The following RAB5IF variants were observed in gnomAD, a reference collection of about 807,000 sequenced individuals.
RAB5IF encodes GEL complex subunit OPTI.
RAB5IF carries 15 observed loss-of-function variants against 20.3 expected under a neutral mutation model. The ratio of observed to expected loss-of-function variants is 0.74; its 90% CI spans 0.50 to 1.14. The LOEUF (loss-of-function observed/expected upper bound fraction) is 1.14. Ranked by LOEUF, RAB5IF falls within the 50% of genes most tolerant of loss-of-function variation. RAB5IF has a pLI of 0.00. For synonymous variants in RAB5IF, 67 were observed against 63.7 expected (o/e 1.05, Z -0.25); for missense variants, 148 against 159.5 (o/e 0.93, Z 0.39).
In RAB5IF at chr20:36,609,595, C is replaced by T. The variant is rs747309058; in HGVS notation, c.219-6C>T. On this transcript the variant is annotated splice_polypyrimidine_tract_variant and splice_region_variant and intron_variant, in intron 2 of 3. Coordinates refer to ENST00000344795, the MANE Select transcript of RAB5IF (RefSeq NM_018840.5). ...TATGTTTGGTACTTGTTCTCTGTTG[C>T]TCCAGATTCTGCCTGATCAATGCAG... 1 of 1,578,162 alleles carries T rather than the reference C, an allele frequency of 6.3e-7. No homozygotes were observed. The highest frequency in any genetic ancestry group is 1.8e-5 in the Admixed American group (1 of 54,212).
At chr20:36,608,134 C>A in intron 2 of RAB5IF, 1 of 401,562 alleles carries the variant, frequency 2.5e-6, no homozygotes, top group Non-Finnish European at 4.6e-6. Context: ...GACCTTTGTA[C>A]CTGTGCGAGT....
Position 36,609,724 on chromosome 20 carries a change from G to A in RAB5IF, c.342G>A (p.Leu114=). 3 of 1,614,176 alleles carry A rather than the reference G, an allele frequency of 1.9e-6. No individual in the cohort carries two copies. Among genetic ancestry groups the A allele is most frequent in the Non-Finnish European group, 2.5e-6 (3 of 1,180,026 alleles). Residue 114 remains leucine (L), a synonymous_variant, in exon 3 of 4, where the codon TTG becomes TTA. Transcript: ENST00000344795. ...AAGGGTTTATGACCTCTTTTGCCTT[G>A]TTCATGGTATGTGTAGCTGATAGTT... The part of the protein sequence containing the change: ...TKEGFMTSFA[L]FMVIWIIFYT...
chr20:36,609,190 C>G (rs2039023196), intron 2 of RAB5IF, among the ~76,000 whole-genome samples: 10 of 52,140 alleles, frequency 1.9e-4, no homozygotes, highest in Non-Finnish European at 3.6e-4. Context: ...CACACACACA[C>G]ACACGCACAC....
Position 36,607,746 on chromosome 20 carries a change from G to A in RAB5IF, c.146G>A (p.Arg49Gln), listed in dbSNP as rs1227939860. 4 of 1,613,996 alleles carry A rather than the reference G, an allele frequency of 2.5e-6. No homozygotes were observed. The highest frequency in any genetic ancestry group is 2.2e-5 in the East Asian group (1 of 44,868). Residue 49 changes from arginine (R) to glutamine (Q), a missense_variant, in exon 2 of 4, where the codon CGA (arginine) becomes CAA (glutamine). Arg to Gln is a conservative substitution (Grantham distance 43). Transcript: ENST00000344795. ...DEFLDVIYWF[R>Q]QIIAVVLGVI... is the part of the protein sequence containing the mutation. ...TTTTTAGATGTGATCTACTGGTTCC[G>A]ACAGATCATTGCTGTGGTCCTGGGT...
At chr20:36,608,053 C>T (rs2038977008) in intron 2 of RAB5IF, 24 of 1,158,322 alleles carry the variant, frequency 2.1e-5, no homozygotes, top group Non-Finnish European at 2.7e-5. Context: ...TCCATTCATT[C>T]ATGGGTCTAA....
At chr20:36,611,835 TTC>T (rs1478334821) in intron 3 of RAB5IF, among the ~76,000 whole-genome samples, 173 bp from the exon 4 acceptor site, 1 of 152,098 alleles carries the variant, frequency 6.6e-6, no homozygotes, top group East Asian at 1.9e-4. Flanking sequence ...CAGTCCTGGG[TTC>T]TGTTAGTGAC....
Position 36,609,191 on chromosome 20 carries a change from ACACG to A in RAB5IF, c.219-406_219-403del, listed in dbSNP as rs1483970502. 2.8e-3 allele frequency among the ~76,000 whole-genome samples: 150 copies of A among 52,666 alleles called. 3 individuals carry two copies. The highest frequency in any genetic ancestry group is 0.014 in the Admixed American group (73 of 5,154). The allele number at this position is 52,666 out of a possible 152,430, so 34.6% of individuals were successfully genotyped here. A position where few individuals can be genotyped will look rare whatever the true frequency, so the allele number is the denominator to read the frequency against. On this transcript the variant is annotated intron_variant, in intron 2 of 3. Transcript: ENST00000344795. ...CACACACACACACACACACACACAC[ACACG>A]CACACACGCACACACGCACACACGC...
At position 36,609,204 on chromosome 20, in the gene RAB5IF, C is replaced by CACACACACACACACACACACACATAT. The variant is rs2039030894; in HGVS notation, c.219-391_219-390insACACACACACACACACATATACACAC. 3.5e-5 allele frequency among the ~76,000 whole-genome samples: 2 copies of CACACACACACACACACACACACATAT among 57,178 alleles called. 1 individual carries two copies. Among genetic ancestry groups the CACACACACACACACACACACACATAT allele is most frequent in the Non-Finnish European group, 6.5e-5 (2 of 30,548 alleles). The allele number at this position is 57,178 out of a possible 152,430, so 37.5% of individuals were successfully genotyped here. ...ACACACACACACACACGCACACACG[C>CACACACACACACACACACACACATAT]ACACACGCACACACGCACACACACA... On this transcript the variant is annotated intron_variant, in intron 2 of 3. Transcript: ENST00000344795.
intron 2 of RAB5IF, among the ~76,000 whole-genome samples, chr20:36,608,807 C>T (rs547501713): frequency 2.6e-5 from 4 of 151,940 alleles, no homozygotes; most frequent in East Asian, 2.0e-4. Context: ...TCAGGTGATC[C>T]GCCTGTCTTG....
Position 36,612,502 on chromosome 20 carries a change from GTT to G in RAB5IF, c.*453_*454del. 1 of 461,354 alleles carries G rather than the reference GTT, an allele frequency of 2.2e-6. No homozygotes were observed. The highest frequency in any genetic ancestry group is 4.0e-6 in the Non-Finnish European group (1 of 251,968). 28.6% of individuals were successfully genotyped at this position (461,354 alleles called of 1,614,324 possible). On this transcript the variant is annotated 3_prime_UTR_variant, in exon 4 of 4. Coordinates refer to ENST00000344795, the MANE Select transcript of RAB5IF (RefSeq NM_018840.5). Reference sequence around the variant, plus strand: ...ACAGTACATGCAGCATCTAATAAGAGTTTCCATTGTAGAATGTTTTCACATAC... The same window carrying G: ...ACAGTACATGCAGCATCTAATAAGAGTCCATTGTAGAATGTTTTCACATAC...
intron 2 of RAB5IF, chr20:36,608,042 G>A (rs552365667): frequency 1.3e-5 from 16 of 1,278,576 alleles, no homozygotes; most frequent in Middle Eastern, 4.7e-4. Flanking sequence ...GGCTGGGCCA[G>A]TCCATTCATT....
rs1568595785 is a variant in RAB5IF at position 36,609,252 on chromosome 20, CACACTA to C, written c.219-348_219-343del. 7.1e-4 allele frequency among the ~76,000 whole-genome samples: 97 copies of C among 135,960 alleles called. 4 individuals are homozygous for C. Among genetic ancestry groups the C allele is most frequent in the African/African-American group, 2.1e-3 (67 of 31,292 alleles). 89.2% of individuals were successfully genotyped at this position (135,960 alleles called of 152,430 possible). A position where few individuals can be genotyped will look rare whatever the true frequency, so the allele number is the denominator to read the frequency against. On this transcript the variant is annotated intron_variant, in intron 2 of 3. Coordinates refer to ENST00000344795, the MANE Select transcript of RAB5IF (RefSeq NM_018840.5). ...ACACACACACACACACACACACACA[CACACTA>C]TATATAGAGTTTCGCTGTTGCCCAG...
rs1318666691 is a variant in RAB5IF, at chr20:36,605,837, G to A, written c.-115G>A. ...TTGTGAGGAACCGCAGCGCGCCGCA[G>A]GACCGGGCCGCTGAGCCTGCAGCCG... On this transcript the variant is annotated 5_prime_UTR_variant, in exon 1 of 4. Transcript: ENST00000344795. The A allele has an allele frequency of 1.2e-5, 6 of 511,286 alleles. No homozygotes were observed. The highest frequency in any genetic ancestry group is 2.0e-5 in the African/African-American group (1 of 49,682). 31.7% of individuals were successfully genotyped at this position (511,286 alleles called of 1,614,324 possible).
At chr20:36,609,452 CTGGTCTT>C (rs2039055998) in intron 2 of RAB5IF, 142 bp from the exon 3 acceptor site, 2 of 1,101,332 alleles carry the variant, frequency 1.8e-6, no homozygotes, top group East Asian at 5.8e-5. Flanking sequence ...GTTGGCTAGG[CTGGTCTT>C]GAACTCCTGA....
intron 3 of RAB5IF, 59 bp downstream of exon 3, chr20:36,609,789 A>T (rs1393911273): frequency 1.9e-6 from 3 of 1,613,950 alleles, no homozygotes. Context: ...TGTCACTCAC[A>T]GGAGGGGACC....
At chr20:36,611,880 C>CT in intron 3 of RAB5IF, 130 bp from the exon 4 acceptor site, 1 of 1,214,428 alleles carries the variant, frequency 8.2e-7, no homozygotes, top group African/African-American at 1.5e-5. Flanking sequence ...TTAGACCCCC[C>CT]AAGCAGACTG....
At position 36,609,160 on chromosome 20, in the gene RAB5IF, C is replaced by CATACATAT. The variant is rs1568595285; in HGVS notation, c.219-440_219-439insTACATATA. Among the ~76,000 whole-genome samples the CATACATAT allele has an allele frequency of 6.9e-3, 382 of 55,178 alleles. 97 individuals carry two copies. Among genetic ancestry groups the CATACATAT allele is most frequent in the Non-Finnish European group, 9.5e-3 (248 of 26,060 alleles). The allele number at this position is 55,178 out of a possible 152,430, so 36.2% of individuals were successfully genotyped here. On this transcript the variant is annotated intron_variant, in intron 2 of 3. Transcript: ENST00000344795. The stretch of plus-strand genomic sequence containing the variant: ...AGGGGCTTTGGAGAACTATATTACA[C>CATACATAT]ACACACACACACACACACACACACA...
chr20:36,610,099 G>A (rs985475397), intron 3 of RAB5IF, among the ~76,000 whole-genome samples: 9 of 152,136 alleles, frequency 5.9e-5, no homozygotes, highest in South Asian at 2.1e-4. Context: ...CCTGGCCAGC[G>A]TGGTGAAATC....
intron 1 of RAB5IF, among the ~76,000 whole-genome samples, chr20:36,606,879 G>C (rs1386527309): frequency 6.6e-6 from 1 of 152,244 alleles, no homozygotes; most frequent in East Asian, 1.9e-4. Flanking sequence ...GGCTGCCGAA[G>C]TGGATTTTCC....
Sources: gnomAD v4.1 joint callset for allele counts (sites outside exome capture counted in the v4.1 genomes callset) on GRCh38, gnomAD v4.1.1 for gene constraint, MANE v1.5 for transcripts, NCBI Gene and HGNC (gene_info 2026-07-23, HGNC 2026-07-21) for gene names.